The following TUBGCP5 variants were observed in gnomAD, a reference collection of about 807,000 sequenced individuals.
The protein encoded by TUBGCP5 is gamma-tubulin complex component 5.
Under a neutral mutation model 134.7 loss-of-function variants are expected in TUBGCP5, and 98 were observed. The ratio of observed to expected loss-of-function variants is 0.73; its 90% CI spans 0.62 to 0.86. The LOEUF is 0.86. TUBGCP5 is among the 40% of genes least tolerant of loss of function. The pLI, the probability that TUBGCP5 is intolerant of heterozygous loss-of-function variation, is 0.00. For missense variants in TUBGCP5, 1,150 were observed against 1,244.8 expected (o/e 0.92, Z 1.15); for synonymous variants, 456 against 431.4 (o/e 1.06, Z -0.71).
At chr15:22,988,455 C>T (rs942009712) in intron 23 of TUBGCP5, among the ~76,000 whole-genome samples, 10 of 151,590 alleles carry the variant, frequency 6.6e-5, no homozygotes, top group Non-Finnish European at 1.0e-4. Flanking sequence ...TTTTTTTGGC[C>T]GGTTGCGGTG....
intron 13 of TUBGCP5, among the ~76,000 whole-genome samples, chr15:23,017,320 C>T (rs963046141): frequency 1.3e-5 from 2 of 151,952 alleles, no homozygotes; most frequent in Non-Finnish European, 2.9e-5. Context: ...GAAGAGGATA[C>T]TGAATGTCCC....
At chr15:22,985,400 T>C (rs1049040675) in intron 23 of TUBGCP5, among the ~76,000 whole-genome samples, 1 of 152,014 alleles carries the variant, frequency 6.6e-6, no homozygotes, top group African/African-American at 2.4e-5. Context: ...GTATTTTTAG[T>C]AGAGATGGGG....
rs2066283900 is a variant in TUBGCP5 at position 23,031,101 on chromosome 15, T to C, written c.487-81A>G. ...TTACATTAAAAGACTAAGAAAACTT[T>C]GAAGAAAAGCAAAAACTTTGAAGCA... On this transcript the variant is annotated intron_variant, in intron 5 of 22. Transcript: ENST00000615383. 9 of 1,379,732 alleles carry C rather than the reference T, an allele frequency of 6.5e-6. No homozygotes were observed. The East Asian group carries it at 1.8e-4, about 27-fold the overall frequency. 85.5% of individuals were successfully genotyped at this position (1,379,732 alleles called of 1,614,324 possible). A position where few individuals can be genotyped will look rare whatever the true frequency, so the allele number is the denominator to read the frequency against.
At chr15:22,984,993 T>C (rs2063638448) in intron 23 of TUBGCP5, among the ~76,000 whole-genome samples, 1 of 152,184 alleles carries the variant, frequency 6.6e-6, no homozygotes, top group South Asian at 2.1e-4. Flanking sequence ...AGAGAGTTTG[T>C]GTCCAGAATA....
At chr15:23,002,967 C>A in intron 21 of TUBGCP5, 98 bp downstream of exon 21, 1 of 1,210,854 alleles carries the variant, frequency 8.3e-7, no homozygotes, top group Non-Finnish European at 1.2e-6. Context: ...CCTCTCCTCT[C>A]AGCCTCCTGA....
intron 6 of TUBGCP5, among the ~76,000 whole-genome samples, chr15:23,029,590 T>C (rs115786963): frequency 0.026 from 3,935 of 152,164 alleles, 165 homozygotes; most frequent in African/African-American, 0.091. Flanking sequence ...CACAAATAGC[T>C]AAGCCAATTT....
chr15:23,004,492 C>G (rs1030053414), intron 19 of TUBGCP5: 5 of 409,914 alleles, frequency 1.2e-5, no homozygotes, highest in Non-Finnish European at 2.2e-5. Flanking sequence ...TAACAGACTT[C>G]CTGGCAGGAA....
Position 23,022,040 on chromosome 15 carries a change from G to A in TUBGCP5, c.1290C>T (p.Val430=), listed in dbSNP as rs529272064. Residue 430 remains valine, a synonymous_variant, in exon 11 of 23, where the codon GTC becomes GTT. Transcript: ENST00000615383. Reference sequence around the variant, plus strand: ...TGTTAAGCAGGTGAGAGGCCCGGACGACATTTCGAGTATCAGGTGGAACTT... The same window carrying A: ...TGTTAAGCAGGTGAGAGGCCCGGACAACATTTCGAGTATCAGGTGGAACTT... ...VAEVPPDTRN[V]VRASHLLNTL... is the part of the protein sequence containing the mutation. 74 of 1,614,140 alleles carry A rather than the reference G, an allele frequency of 4.6e-5. No homozygotes were observed. Among genetic ancestry groups the A allele is most frequent in the Middle Eastern group, 3.3e-4 (2 of 6,062 alleles).
At chr15:23,022,679 T>C (rs7168628) in intron 10 of TUBGCP5, among the ~76,000 whole-genome samples, 13,511 of 152,266 alleles carry the variant, frequency 0.089, 1,072 homozygotes, top group East Asian at 0.46. Context: ...AGCAAGTTCC[T>C]GCGACACTGG....
Position 23,031,936 on chromosome 15 carries a change from C to G in TUBGCP5, c.486+14G>C. The G allele has an allele frequency of 6.3e-7, 1 of 1,591,370 alleles. No homozygotes were observed. Among genetic ancestry groups the G allele is most frequent in the Non-Finnish European group, 8.6e-7 (1 of 1,167,674 alleles). ...TGTATTTCAATTTTCAATAGCAAAA[C>G]TACTACCACTTACTGGTGTGTCCAT... On this transcript the variant is annotated intron_variant, in intron 5 of 22. Coordinates refer to ENST00000615383, the MANE Select transcript of TUBGCP5 (RefSeq NM_052903.6).
chr15:23,020,607 GA>G (rs1165932380), intron 11 of TUBGCP5, among the ~76,000 whole-genome samples: 5 of 119,210 alleles, frequency 4.2e-5, no homozygotes, highest in South Asian at 2.8e-4. Context: ...AAAAAAAAAA[GA>G]AAAAAAGAAA....
At chr15:23,030,109 C>T (rs778136311) in intron 6 of TUBGCP5, among the ~76,000 whole-genome samples, 7 of 151,978 alleles carry the variant, frequency 4.6e-5, no homozygotes, top group African/African-American at 1.2e-4. Flanking sequence ...GTGGGAGGAT[C>T]GCTTGAGGCC....
In TUBGCP5 at chr15:22,999,273, C is replaced by T. The variant is rs2064236064; in HGVS notation, c.*547G>A. 1 of 152,470 alleles carries T rather than the reference C, an allele frequency of 6.6e-6. No homozygotes were observed. The highest frequency in any genetic ancestry group is 2.1e-4 in the South Asian group (1 of 4,836). 9.4% of individuals were successfully genotyped at this position (152,470 alleles called of 1,614,324 possible). On this transcript the variant is annotated 3_prime_UTR_variant, in exon 23 of 23. Coordinates refer to ENST00000615383, the MANE Select transcript of TUBGCP5 (RefSeq NM_052903.6). ...ATCAGTACCATAAATCTGTATCTTA[C>T]AGTAGGAAATGTAAGAGTAAACAGC... is the stretch of plus-strand genomic sequence containing the variant.
intron 23 of TUBGCP5, among the ~76,000 whole-genome samples, chr15:22,988,144 T>C (rs1321027853): frequency 8.6e-6 from 1 of 116,202 alleles, no homozygotes; most frequent in Non-Finnish European, 1.9e-5. Context: ...AGACAGTACC[T>C]TATATGAAGA....
intron 23 of TUBGCP5, among the ~76,000 whole-genome samples, chr15:22,986,141 A>T (rs1270015348): frequency 2.3e-5 from 3 of 131,092 alleles, no homozygotes; most frequent in African/African-American, 9.3e-5. Flanking sequence ...CTCAAAAAAA[A>T]AAAAAAAATA....
intron 13 of TUBGCP5, among the ~76,000 whole-genome samples, chr15:23,012,123 A>G (rs944419924): frequency 1.3e-5 from 2 of 151,700 alleles, no homozygotes; most frequent in Non-Finnish European, 2.9e-5. Flanking sequence ...CTCAAAAAAA[A>G]AAAAAAAAAA....
In TUBGCP5 at chr15:23,032,995, T is replaced by C. The variant is rs79518447; in HGVS notation, c.310-171A>G. On this transcript the variant is annotated intron_variant, in intron 3 of 22. Coordinates refer to ENST00000615383, the MANE Select transcript of TUBGCP5 (RefSeq NM_052903.6). Reference sequence around the variant, plus strand: ...CCTTCAAACTTCTTCATAGCTCAAATGCATACACATAAGGAACCTCAAAGC... The same window carrying C: ...CCTTCAAACTTCTTCATAGCTCAAACGCATACACATAAGGAACCTCAAAGC... Among the ~76,000 whole-genome samples the C allele has an allele frequency of 7.2e-4, 109 of 152,310 alleles. 5 individuals carry two copies. The East Asian group carries it at 0.019, about 26-fold the overall frequency.
rs1303001350 is a variant in TUBGCP5, at chr15:23,003,132, T to C, written c.2860A>G (p.Ile954Val). 1.9e-6 allele frequency: 3 copies of C among 1,614,212 alleles called. No individual in the cohort carries two copies. Among genetic ancestry groups the C allele is most frequent in the Non-Finnish European group, 2.5e-6 (3 of 1,180,034 alleles). ...AGAGCCAAGTTCAACACCTTCATGA[T>C]AGCTTCTTTCACAAAGCTGACCTGC... ...REKVSFVKEAIMKVLNLALMF... is the reference protein window; with the variant it reads ...REKVSFVKEAVMKVLNLALMF... The change falls in exon 21 of 23, where the codon ATC (isoleucine) becomes GTC (valine). Residue 954 changes from isoleucine to valine, a missense_variant. Coordinates refer to ENST00000615383, the MANE Select transcript of TUBGCP5 (RefSeq NM_052903.6).
At chr15:23,028,389 A>G (rs2066102817) in intron 6 of TUBGCP5, among the ~76,000 whole-genome samples, 1 of 151,588 alleles carries the variant, frequency 6.6e-6, no homozygotes, top group African/African-American at 2.4e-5. Context: ...TAAAAAAAAA[A>G]AAAAAAAAAA....
Sources: allele counts gnomAD v4.1 joint callset (sites outside exome capture counted in the v4.1 genomes callset), GRCh38; gene constraint gnomAD v4.1.1; transcripts MANE v1.5; gene names NCBI Gene and HGNC (gene_info 2026-07-23, HGNC 2026-07-21).